Variants in ZDBF2 observed in about 807,000 individuals in gnomAD.
The protein encoded by ZDBF2 is zinc finger DBF-type containing 2.
In ZDBF2, 6 loss-of-function variants were observed where a neutral mutation model predicts 9.4. The ratio of observed to expected loss-of-function variants is 0.64; its 90% confidence interval spans 0.35 to 1.27. The LOEUF is 1.27. Among genes scored for constraint, ZDBF2 ranks in the 50% most tolerant of loss-of-function variants. ZDBF2 has a pLI of 0.03. For synonymous variants in ZDBF2, 905 were observed against 946.3 expected (o/e 0.96, Z 0.80); for missense variants, 2,697 against 2,766.8 (o/e 0.97, Z 0.57).
intron 4 of ZDBF2, among the ~76,000 whole-genome samples, chr2:206,301,861 A>C (rs939458426): frequency 6.6e-6 from 1 of 151,838 alleles, no homozygotes; most frequent in Admixed American, 6.6e-5. Context: ...TTGGGTGCCC[A>C]GTTGTATTTA....
rs762669324 is a variant in ZDBF2, at chr2:206,310,347, C to T, written c.5819C>T (p.Ala1940Val). Residue 1940 changes from alanine to valine, a missense_variant, in exon 5 of 5, where the codon GCG becomes GTG. Transcript: ENST00000374423. ...KGRVASQCQT[A>V]KISHSTQTSC... is the part of the protein sequence containing the mutation. ...CGTGTGGCTTCTCAATGCCAGACAGCGAAAATCAGCCATAGTACTCAGACC... is the reference window on the plus strand; with the variant it reads ...CGTGTGGCTTCTCAATGCCAGACAGTGAAAATCAGCCATAGTACTCAGACC... 25 of 1,613,644 alleles carry T rather than the reference C, an allele frequency of 1.5e-5. No individual in the cohort carries two copies. Among genetic ancestry groups the T allele is most frequent in the South Asian group, 5.5e-5 (5 of 91,026 alleles).
At chr2:206,295,543 T>A (rs1692128283) in intron 3 of ZDBF2, among the ~76,000 whole-genome samples, 1 of 151,926 alleles carries the variant, frequency 6.6e-6, no homozygotes, top group Non-Finnish European at 1.5e-5. Context: ...ATTTTTATTT[T>A]TTTATTTTTT....
At chr2:206,284,018 G>A (rs182814581) in intron 3 of ZDBF2, among the ~76,000 whole-genome samples, 1 of 152,250 alleles carries the variant, frequency 6.6e-6, no homozygotes, top group African/African-American at 2.4e-5. Context: ...AAATTTTGCT[G>A]TTTTGCTTAT....
chr2:206,299,817 C>T (rs1440235137), intron 4 of ZDBF2, among the ~76,000 whole-genome samples: 1 of 150,064 alleles, frequency 6.7e-6, no homozygotes, highest in Non-Finnish European at 1.5e-5. Context: ...AAAAAAAAAA[C>T]AAGCCCCAAG....
At position 206,307,428 on chromosome 2, in the gene ZDBF2, C is replaced by T. The variant is rs377449307; in HGVS notation, c.2900C>T (p.Ala967Val). ...GATTCTGATGTCCCTCTTCAGGCAG[C>T]GACTCACAAACCTGAAGTAATTGTC... ...SLDSDVPLQA[A>V]THKPEVIVKE... Residue 967 changes from alanine (A) to valine (V), a missense_variant, in exon 5 of 5, where the codon GCG (alanine) becomes GTG (valine). Ala to Val is a moderately conservative substitution (Grantham distance 64). Coordinates refer to ENST00000374423, the MANE Select transcript of ZDBF2 (RefSeq NM_020923.3). 43 of 1,611,520 alleles carry T rather than the reference C, an allele frequency of 2.7e-5. No individual in the cohort carries two copies. Among genetic ancestry groups the T allele is most frequent in the Middle Eastern group, 3.3e-4 (2 of 6,076 alleles).
intron 3 of ZDBF2, chr2:206,292,226 T>A: frequency 2.5e-6 from 1 of 396,344 alleles, no homozygotes; most frequent in Non-Finnish European, 4.4e-6. Context: ...GACTTTGCAT[T>A]GTTTATAAAG....
rs772532154 is a variant in ZDBF2, at chr2:206,308,467, A to G, written c.3939A>G (p.Glu1313=). The G allele has an allele frequency of 1.7e-5, 28 of 1,613,690 alleles. No individual in the cohort carries two copies. In the South Asian group the frequency reaches 2.6e-4, roughly 15 times the overall value. The change falls in exon 5 of 5, where the codon GAA becomes GAG. Residue 1313 remains glutamate, a synonymous_variant. Coordinates refer to ENST00000374423, the MANE Select transcript of ZDBF2 (RefSeq NM_020923.3). ...AAGAAATAAATCTTTTGAGGGAGGA[A>G]CATGTTTGTCTGGATGATAAGGGCT... is the stretch of plus-strand genomic sequence containing the variant. ...ANKEINLLRE[E]HVCLDDKGYV...
chr2:206,289,625 G>A (rs908242283), intron 3 of ZDBF2, among the ~76,000 whole-genome samples: 1 of 152,170 alleles, frequency 6.6e-6, no homozygotes. Flanking sequence ...AGCAAAACAC[G>A]TTTCAGCCAT....
chr2:206,295,452 C>T (rs553418926), intron 3 of ZDBF2, among the ~76,000 whole-genome samples: 1 of 151,234 alleles, frequency 6.6e-6, no homozygotes, highest in African/African-American at 2.4e-5. Flanking sequence ...CAACCTCCGC[C>T]TCCAGGGTTC....
intron 2 of ZDBF2, among the ~76,000 whole-genome samples, chr2:206,281,232 A>G (rs1309667847): frequency 2.0e-5 from 3 of 152,218 alleles, no homozygotes; most frequent in Non-Finnish European, 4.4e-5. Context: ...TCTGGCTTAC[A>G]TAATTGTCAG....
intron 3 of ZDBF2, among the ~76,000 whole-genome samples, chr2:206,285,955 C>T (rs1691579727): frequency 6.6e-6 from 1 of 152,212 alleles, no homozygotes; most frequent in African/African-American, 2.4e-5. Flanking sequence ...AATCAGTTGG[C>T]TGCAAATACA....
At chr2:206,299,804 C>A (rs1396464312) in intron 4 of ZDBF2, among the ~76,000 whole-genome samples, 1 of 148,960 alleles carries the variant, frequency 6.7e-6, no homozygotes, top group East Asian at 2.0e-4. Context: ...GTCTTGGCCT[C>A]TAAAAAAAAA....
At position 206,306,230 on chromosome 2, in the gene ZDBF2, A is replaced by T; in HGVS notation, c.1702A>T (p.Thr568Ser). ...AACAAAACTTCGGAAGAAGGCTCATACCAGCTTGGTTGATAACTATGGATC... is the reference window on the plus strand; with the variant it reads ...AACAAAACTTCGGAAGAAGGCTCATTCCAGCTTGGTTGATAACTATGGATC... ...TETKLRKKAHTSLVDNYGSSC... is the reference protein window; with the variant it reads ...TETKLRKKAHSSLVDNYGSSC... The change falls in exon 5 of 5, where the codon ACC (threonine) becomes TCC (serine). Residue 568 changes from threonine (T) to serine (S), a missense_variant. Physicochemically the swap from Thr to Ser is moderately conservative, Grantham distance 58. Around this residue, in one of 3 missense-constraint regions of ZDBF2, gnomAD observed 910 missense variants for 973.6 expected, o/e 0.93. Transcript: ENST00000374423. The T allele has an allele frequency of 1.2e-6, 2 of 1,613,548 alleles. No homozygotes were observed. Among genetic ancestry groups the T allele is most frequent in the Non-Finnish European group, 1.7e-6 (2 of 1,179,782 alleles).
In ZDBF2 at chr2:206,307,122, A is replaced by G. The variant is rs1692845118; in HGVS notation, c.2594A>G (p.Asp865Gly). 6.2e-7 allele frequency: 1 copy of G among 1,612,780 alleles called. No homozygotes were observed. Among genetic ancestry groups the G allele is most frequent in the Non-Finnish European group, 8.5e-7 (1 of 1,179,524 alleles). Residue 865 changes from aspartate to glycine, a missense_variant, in exon 5 of 5, where the codon GAT (aspartate) becomes GGT (glycine). Physicochemically the swap from Asp to Gly is moderately conservative, Grantham distance 94 (BLOSUM62 -1). This residue lies in a region of ZDBF2 where 1,783 missense variants were observed against 1,776.5 expected (regional missense o/e 1.00). Coordinates refer to ENST00000374423, the MANE Select transcript of ZDBF2 (RefSeq NM_020923.3). ...TACATTCACTTAGAAAGGAAGAATG[A>G]TGAACCCAGTGGTTCTGAAATAAGT... ...EEYIHLERKN[D>G]EPSGSEISSD...
rs201659750 is a variant in ZDBF2, at chr2:206,306,749, A to G, written c.2221A>G (p.Arg741Gly). 6.2e-7 allele frequency: 1 copy of G among 1,613,862 alleles called. No individual in the cohort carries two copies. ...AGAGTTAAATATTGACATGGAAGTT[A>G]GGAGCTATGATTGCTCCAGCTCTGA... is the stretch of plus-strand genomic sequence containing the variant. ...LKELNIDMEV[R>G]SYDCSSSELT... Residue 741 changes from arginine (R) to glycine (G), a missense_variant, in exon 5 of 5, where the codon AGG becomes GGG. Physicochemically the swap from Arg to Gly is moderately radical, Grantham distance 125. Coordinates refer to ENST00000374423, the MANE Select transcript of ZDBF2 (RefSeq NM_020923.3).
At chr2:206,286,161 A>C (rs1691588426) in intron 3 of ZDBF2, among the ~76,000 whole-genome samples, 1 of 152,224 alleles carries the variant, frequency 6.6e-6, no homozygotes, top group Non-Finnish European at 1.5e-5. Flanking sequence ...CTGATGAAGC[A>C]AATGTGTATT....
At chr2:206,299,747 C>T (rs76079572) in intron 4 of ZDBF2, among the ~76,000 whole-genome samples, 6 of 152,156 alleles carry the variant, frequency 3.9e-5, no homozygotes, top group South Asian at 4.2e-4. Flanking sequence ...TGACCTCCCC[C>T]CCGCCCGTGA....
intron 3 of ZDBF2, among the ~76,000 whole-genome samples, chr2:206,288,513 G>A (rs1438874867): frequency 1.3e-5 from 2 of 152,174 alleles, no homozygotes; most frequent in African/African-American, 4.8e-5. Context: ...GGTGTGACGT[G>A]GCCTATAAGC....
At chr2:206,299,885 A>T (rs1454723104) in intron 4 of ZDBF2, among the ~76,000 whole-genome samples, 1 of 152,044 alleles carries the variant, frequency 6.6e-6, no homozygotes, top group Admixed American at 6.6e-5. Flanking sequence ...AGGCGGGCGG[A>T]TCACCTGAGG....
Sources: allele counts gnomAD v4.1 joint callset (sites outside exome capture counted in the v4.1 genomes callset), GRCh38; gene constraint gnomAD v4.1.1; regional missense constraint gnomAD v4.1.1; transcripts MANE v1.5; gene names NCBI Gene and HGNC (gene_info 2026-07-23, HGNC 2026-07-21).